The following SGIP1 variants were observed in gnomAD, a reference collection of about 807,000 sequenced individuals.
SGIP1 encodes the protein SH3-containing GRB2-like protein 3-interacting protein 1.
SGIP1 carries 38 observed loss-of-function variants against 107.5 expected under a neutral mutation model. The ratio of observed to expected loss-of-function variants is 0.35; its 90% CI spans 0.27 to 0.46. SGIP1 has a LOEUF of 0.46. SGIP1 is among the 20% of genes least tolerant of loss of function. The probability of loss-of-function intolerance (pLI) is 1.00; values close to 1 mark genes in which losing one functional copy is unlikely to be tolerated. For synonymous variants in SGIP1, 365 were observed against 366.1 expected (o/e 1.00, Z 0.03); for missense variants, 929 against 1,019.5 (o/e 0.91, Z 1.21).
chr1:66,699,238 G>C (rs780484726), intron 18 of SGIP1, among the ~76,000 whole-genome samples: 1 of 152,058 alleles, frequency 6.6e-6, no homozygotes, highest in Non-Finnish European at 1.5e-5. Flanking sequence ...ATGGGACTAG[G>C]AGGCAGTGTT....
intron 18 of SGIP1, among the ~76,000 whole-genome samples, chr1:66,712,150 G>A (rs778535580): frequency 1.3e-5 from 2 of 152,092 alleles, no homozygotes; most frequent in Non-Finnish European, 2.9e-5. Context: ...GCAAATTAAG[G>A]GAGATAACAC....
At chr1:66,569,621 T>G (rs1179991101) in intron 1 of SGIP1, among the ~76,000 whole-genome samples, 5 of 151,874 alleles carry the variant, frequency 3.3e-5, no homozygotes, top group Non-Finnish European at 7.4e-5. Context: ...GTATATAATT[T>G]TTTTATACAT....
At chr1:66,553,833 A>AT (rs1458708525) in intron 1 of SGIP1, among the ~76,000 whole-genome samples, 1 of 152,016 alleles carries the variant, frequency 6.6e-6, no homozygotes, top group Non-Finnish European at 1.5e-5. Flanking sequence ...CAGTGACTTC[A>AT]TCTGTAAAAT....
At chr1:66,589,602 A>C (rs1175102376) in intron 1 of SGIP1, among the ~76,000 whole-genome samples, 1 of 152,064 alleles carries the variant, frequency 6.6e-6, no homozygotes, top group Non-Finnish European at 1.5e-5. Context: ...TAAAAACCCA[A>C]ATGCCTGTGA....
chr1:66,625,050 A>T (rs1436006068), intron 1 of SGIP1, among the ~76,000 whole-genome samples: 1 of 152,334 alleles, frequency 6.6e-6, no homozygotes, highest in East Asian at 1.9e-4. Flanking sequence ...TCAAGAAAGG[A>T]TCACAGCCTA....
intron 1 of SGIP1, among the ~76,000 whole-genome samples, chr1:66,583,501 G>A (rs1489397900): frequency 6.6e-6 from 1 of 151,984 alleles, no homozygotes; most frequent in South Asian, 2.1e-4. Flanking sequence ...AGAAATTCAT[G>A]ATCCTCATTT....
intron 1 of SGIP1, among the ~76,000 whole-genome samples, chr1:66,586,676 T>C (rs997946763): frequency 6.6e-6 from 1 of 152,152 alleles, no homozygotes; most frequent in African/African-American, 2.4e-5. Flanking sequence ...CATCAGAAAG[T>C]ATTATAATTT....
rs762005649 is a variant in SGIP1, at chr1:66,635,930, A to C, written c.100-14A>C. The C allele has an allele frequency of 2.4e-5, 38 of 1,613,332 alleles. 1 individual carries two copies. In the South Asian group the frequency reaches 4.1e-4, roughly 17 times the overall value. ...TTTAACCACTTTTTTCTACATGAAAACAATCAATTCCAGCAGCCCAGCCCA... is the reference window on the plus strand; with the variant it reads ...TTTAACCACTTTTTTCTACATGAAACCAATCAATTCCAGCAGCCCAGCCCA... On this transcript the variant is annotated splice_polypyrimidine_tract_variant and intron_variant, in intron 3 of 24. Transcript: ENST00000371037.
At position 66,687,022 on chromosome 1, in the gene SGIP1, C is replaced by A. The variant is rs537940099; in HGVS notation, c.1316-2126C>A. On this transcript the variant is annotated intron_variant, in intron 15 of 24. Transcript: ENST00000371037. ...AAGCTGAGGTTTCAGGCCAGTAGGGCCAGAACTCAAATCATCTGGTTCTTC... is the reference window on the plus strand; with the variant it reads ...AAGCTGAGGTTTCAGGCCAGTAGGGACAGAACTCAAATCATCTGGTTCTTC... 9.8e-4 allele frequency among the ~76,000 whole-genome samples: 149 copies of A among 152,306 alleles called. 1 individual carries two copies. Among genetic ancestry groups the A allele is most frequent in the Non-Finnish European group, 1.9e-3 (126 of 68,032 alleles).
chr1:66,733,647 A>T, intron 20 of SGIP1, 101 bp from the exon 21 acceptor site: 1 of 1,260,932 alleles, frequency 7.9e-7, no homozygotes, highest in South Asian at 1.6e-5. Context: ...ATTGTCAAAA[A>T]ATGGCTGTAC....
At chr1:66,636,112 T>G in intron 4 of SGIP1, 97 bp downstream of exon 4, 1 of 1,169,438 alleles carries the variant, frequency 8.6e-7, no homozygotes, top group Non-Finnish European at 1.2e-6. Flanking sequence ...TAGTTTTCAT[T>G]TACTCCATTT....
intron 7 of SGIP1, among the ~76,000 whole-genome samples, chr1:66,652,865 G>A (rs1447265439): frequency 6.6e-6 from 1 of 152,208 alleles, no homozygotes; most frequent in Non-Finnish European, 1.5e-5. Flanking sequence ...CATGCATTCT[G>A]ATGCAAGGCA....
chr1:66,547,643 C>G (rs538360740), intron 1 of SGIP1, among the ~76,000 whole-genome samples: 8 of 152,236 alleles, frequency 5.3e-5, no homozygotes, highest in Admixed American at 1.3e-4. Flanking sequence ...ATGAGCTAGC[C>G]AGGGGTCTAG....
intron 18 of SGIP1, among the ~76,000 whole-genome samples, chr1:66,712,911 G>A (rs937579368): frequency 6.6e-6 from 1 of 152,076 alleles, no homozygotes; most frequent in Non-Finnish European, 1.5e-5. Flanking sequence ...CCCTCAAAGT[G>A]TGCATGTCAA....
Position 66,540,731 on chromosome 1 carries a change from G to C in SGIP1, c.10+6363G>C, listed in dbSNP as rs143260709. On this transcript the variant is annotated intron_variant, in intron 1 of 24. Transcript: ENST00000371037. The stretch of plus-strand genomic sequence containing the variant: ...TCAATGTGTTAGCTGATTTTATGCA[G>C]TTGGGCTTTTTGGTTGAAAGAACAT... Among the ~76,000 whole-genome samples the C allele has an allele frequency of 3.8e-3, 582 of 152,322 alleles. 17 individuals carry two copies. The East Asian group carries it at 0.039, about 10-fold the overall frequency.
intron 1 of SGIP1, among the ~76,000 whole-genome samples, chr1:66,568,278 G>A (rs2059925073): frequency 6.6e-6 from 1 of 152,016 alleles, no homozygotes; most frequent in African/African-American, 2.4e-5. Flanking sequence ...GTGAATGGGA[G>A]TTCATTTATG....
At chr1:66,631,099 G>A (rs556998465) in intron 2 of SGIP1, among the ~76,000 whole-genome samples, 70 of 134,214 alleles carry the variant, frequency 5.2e-4, no homozygotes, top group East Asian at 3.8e-3. Flanking sequence ...AAGAAAGAAA[G>A]AAAAAAAGAA....
intron 18 of SGIP1, among the ~76,000 whole-genome samples, chr1:66,698,271 C>T (rs914936721): frequency 1.3e-5 from 2 of 151,580 alleles, no homozygotes. Flanking sequence ...CAGTGCTTTT[C>T]TGAATGTTTT....
At chr1:66,669,497 G>T (rs1292705707) in intron 9 of SGIP1, among the ~76,000 whole-genome samples, 1 of 152,086 alleles carries the variant, frequency 6.6e-6, no homozygotes, top group African/African-American at 2.4e-5. Context: ...TCTTCCTTCA[G>T]ATCTTATTAA....
Sources: allele counts gnomAD v4.1 joint callset (sites outside exome capture counted in the v4.1 genomes callset), GRCh38; gene constraint gnomAD v4.1.1; transcripts MANE v1.5; gene names NCBI Gene and HGNC (gene_info 2026-07-23, HGNC 2026-07-21).